Variants in PPP1R7 observed in about 807,000 individuals in gnomAD.
PPP1R7 encodes protein phosphatase 1 regulatory subunit 22.
In PPP1R7, 18 loss-of-function variants were observed where a neutral mutation model predicts 45.2. The observed-to-expected ratio is 0.40, with a 90% CI of 0.28 to 0.59. PPP1R7 has a LOEUF of 0.59. Among genes scored for constraint, PPP1R7 ranks in the 20% least tolerant of loss-of-function variants. The pLI is 0.46. For synonymous variants in PPP1R7, 181 were observed against 183.4 expected (o/e 0.99, Z 0.11); for missense variants, 314 against 455.8 (o/e 0.69, Z 2.83).
chr2:241,150,175 C>G, upstream of PPP1R7: 1 of 1,277,928 alleles, frequency 7.8e-7, no homozygotes, highest in Non-Finnish European at 9.9e-7. Context: ...GGGCGTCTCT[C>G]CACTCTGCCT....
intron 6 of PPP1R7, 37 bp downstream of exon 6, chr2:241,160,531 G>A: frequency 2.0e-6 from 3 of 1,527,930 alleles, no homozygotes; most frequent in Non-Finnish European, 2.6e-6. Context: ...TATTCAGGGA[G>A]AGGCAGCTAG....
At chr2:241,157,361 A>G (rs1050399379) in intron 2 of PPP1R7, among the ~76,000 whole-genome samples, 1 of 152,194 alleles carries the variant, frequency 6.6e-6, no homozygotes, top group African/African-American at 2.4e-5. Flanking sequence ...TCTAGATTCT[A>G]ATGGCCTGGT....
chr2:241,168,478 A>C (rs2067759389), intron 8 of PPP1R7, among the ~76,000 whole-genome samples: 1 of 152,132 alleles, frequency 6.6e-6, no homozygotes, highest in Non-Finnish European at 1.5e-5. Context: ...TTCCAGCCCC[A>C]CCGCCAGGCG....
chr2:241,182,970 G>A lies in PPP1R7; in HGVS notation c.*147G>A, dbSNP rs918629544. On this transcript the variant is annotated 3_prime_UTR_variant, in exon 10 of 10. Transcript: ENST00000234038. Reference sequence around the variant, plus strand: ...AAGGCACTGACGATAGCTGGCGCGCGCGACGTCACACACCATTTTCAGATG... The same window carrying A: ...AAGGCACTGACGATAGCTGGCGCGCACGACGTCACACACCATTTTCAGATG... The A allele has an allele frequency of 1.7e-5, 15 of 859,780 alleles. No homozygotes were observed. The highest frequency in any genetic ancestry group is 2.3e-5 in the Non-Finnish European group (13 of 571,622). 53.3% of individuals were successfully genotyped at this position (859,780 alleles called of 1,614,324 possible).
chr2:241,176,170 C>T (rs532885962), intron 9 of PPP1R7, among the ~76,000 whole-genome samples: 4 of 152,160 alleles, frequency 2.6e-5, no homozygotes, highest in Non-Finnish European at 5.9e-5. Context: ...GCCTGGGCCT[C>T]CCAAAGTGCT....
At chr2:241,160,293 C>G (rs537918898) in intron 5 of PPP1R7, 39 bp from the exon 6 acceptor site, 39 of 1,535,132 alleles carry the variant, frequency 2.5e-5, no homozygotes, top group Middle Eastern at 4.6e-4. Flanking sequence ...AACCTATGCT[C>G]GTGAAATTTT....
chr2:241,179,814 A>G (rs1422140156), intron 9 of PPP1R7, among the ~76,000 whole-genome samples: 1 of 152,226 alleles, frequency 6.6e-6, no homozygotes, highest in Non-Finnish European at 1.5e-5. Context: ...TCCATTTTGG[A>G]AAAATGCAAA....
intron 9 of PPP1R7, among the ~76,000 whole-genome samples, chr2:241,179,880 A>C (rs775555405): frequency 8.5e-5 from 13 of 152,222 alleles, no homozygotes. Context: ...CATTATTTAC[A>C]ATGCACCATT....
intron 9 of PPP1R7, among the ~76,000 whole-genome samples, chr2:241,178,328 C>G (rs1174094868): frequency 2.0e-5 from 3 of 152,166 alleles, no homozygotes; most frequent in African/African-American, 7.2e-5. Flanking sequence ...CCTCTTGATA[C>G]TTTCTGCTAG....
chr2:241,154,736 T>C (rs1340971489), intron 2 of PPP1R7, among the ~76,000 whole-genome samples: 1 of 152,148 alleles, frequency 6.6e-6, no homozygotes, highest in African/African-American at 2.4e-5. Context: ...TATGCATGCA[T>C]GTATGTACTT....
intron 9 of PPP1R7, among the ~76,000 whole-genome samples, chr2:241,172,702 C>A (rs1385795493): frequency 6.6e-6 from 1 of 151,622 alleles, no homozygotes; most frequent in African/African-American, 2.4e-5. Context: ...CCTTTTCTGG[C>A]ATTGTTTATT....
At chr2:241,163,201 G>A in intron 6 of PPP1R7, 84 bp from the exon 7 acceptor site, 1 of 822,268 alleles carries the variant, frequency 1.2e-6, no homozygotes, top group Non-Finnish European at 2.1e-6. Flanking sequence ...AGCCCACATA[G>A]CTCTGCCCCG....
At chr2:241,150,197 C>G (rs1450098437), upstream of PPP1R7, 1 of 1,273,606 alleles carries the variant, frequency 7.9e-7, no homozygotes, top group Non-Finnish European at 9.9e-7. Context: ...GACGTCCACT[C>G]CGTCTGCCTG....
chr2:241,153,101 A>G (rs770212691), intron 1 of PPP1R7, among the ~76,000 whole-genome samples: 1 of 152,248 alleles, frequency 6.6e-6, no homozygotes, highest in African/African-American at 2.4e-5. Context: ...CAGAAGGGTC[A>G]CAGTGGTGAT....
At chr2:241,174,816 C>T (rs961553070) in intron 9 of PPP1R7, among the ~76,000 whole-genome samples, 1 of 151,792 alleles carries the variant, frequency 6.6e-6, no homozygotes, top group African/African-American at 2.4e-5. Flanking sequence ...CTGGGACTAC[C>T]GGTGCCCGCC....
Position 241,160,313 on chromosome 2 carries a change from C to G in PPP1R7, c.435-19C>G. On this transcript the variant is annotated intron_variant, in intron 5 of 9. Coordinates refer to ENST00000234038, the MANE Select transcript of PPP1R7 (RefSeq NM_002712.3). ...ATGCTCGTGAAATTTTTTTAAAAAA[C>G]TGTTTTGGTTGTTCTCAGGATTCTA... 6.5e-7 allele frequency: 1 copy of G among 1,531,148 alleles called. No homozygotes were observed. The highest frequency in any genetic ancestry group is 8.8e-7 in the Non-Finnish European group (1 of 1,140,120). 94.8% of individuals were successfully genotyped at this position (1,531,148 alleles called of 1,614,324 possible). A position where few individuals can be genotyped will look rare whatever the true frequency, so the allele number is the denominator to read the frequency against.
At chr2:241,151,136 TG>T (rs2067286621) in intron 1 of PPP1R7, among the ~76,000 whole-genome samples, 1 of 152,254 alleles carries the variant, frequency 6.6e-6, no homozygotes, top group Non-Finnish European at 1.5e-5. Flanking sequence ...CATGCATATA[TG>T]TATATGTTAT....
chr2:241,153,852 C>T (rs985815355), intron 2 of PPP1R7, among the ~76,000 whole-genome samples: 5 of 152,096 alleles, frequency 3.3e-5, no homozygotes, highest in Non-Finnish European at 4.4e-5. Flanking sequence ...AATCCTAGCA[C>T]AAATATGGGT....
chr2:241,177,370 T>C (rs2067925441), intron 9 of PPP1R7, among the ~76,000 whole-genome samples: 1 of 152,044 alleles, frequency 6.6e-6, no homozygotes, highest in Non-Finnish European at 1.5e-5. Context: ...TGAGCCAAGA[T>C]TGTGCCACTG....
Sources: allele counts gnomAD v4.1 joint callset (sites outside exome capture counted in the v4.1 genomes callset), GRCh38; gene constraint gnomAD v4.1.1; transcripts MANE v1.5; gene names NCBI Gene and HGNC (gene_info 2026-07-23, HGNC 2026-07-21).